Variants in ABCC6 observed in about 807,000 individuals in gnomAD.
The protein encoded by ABCC6 is ATP-binding cassette sub-family C member 6.
In ABCC6, 126 loss-of-function variants were observed where a neutral mutation model predicts 169.5. The observed-to-expected ratio is 0.74, with a 90% CI of 0.64 to 0.86. ABCC6 has a LOEUF of 0.86. Ranked by LOEUF, ABCC6 falls within the 40% of genes least tolerant of loss-of-function variation. ABCC6 has a pLI of 0.00. For synonymous variants in ABCC6, 752 were observed against 814.7 expected (o/e 0.92, Z 1.31); for missense variants, 1,733 against 1,927.2 (o/e 0.90, Z 1.89).
chr16:16,161,716 A>C, intron 24 of ABCC6, 152 bp from the exon 25 acceptor site: 1 of 1,051,388 alleles, frequency 9.5e-7, no homozygotes, highest in South Asian at 1.4e-5. Flanking sequence ...GGAGTAGAGG[A>C]AGATGACACC....
intron 11 of ABCC6, among the ~76,000 whole-genome samples, chr16:16,191,870 C>T (rs554562088): frequency 1.4e-4 from 21 of 152,202 alleles, no homozygotes; most frequent in Admixed American, 8.5e-4. Flanking sequence ...AACCTTCTGC[C>T]TGCCAAGCAC....
In ABCC6 at chr16:16,165,814, T is replaced by C; in HGVS notation, c.3115A>G (p.Thr1039Ala). The C allele has an allele frequency of 6.2e-7, 1 of 1,613,596 alleles. No individual in the cohort carries two copies. The highest frequency in any genetic ancestry group is 1.1e-5 in the South Asian group (1 of 91,078). The change falls in exon 23 of 31, where the codon ACA (threonine) becomes GCA (alanine). Residue 1039 changes from threonine (T) to alanine (A), a missense_variant. By Grantham distance (58) the Thr-to-Ala change is moderately conservative. This residue lies in a region of ABCC6 where 1,601 missense variants were observed against 1,635.5 expected (regional missense o/e 0.98). Transcript: ENST00000205557. ...CGGTTTAGCAGGTGACCAATGGGTG[T>C]CCGCTCAAAGAAGCTGATGGGAGAT... ...VRSPISFFER[T>A]PIGHLLNRFS...
rs754782996 is a variant in ABCC6, at chr16:16,155,029, C to G, written c.3885G>C (p.Val1295=). ...CTGCCCCGGTCCTGCCAACGATGCC[C>G]ACCTGCCCGGGGTTGGGAGGAAAGG... The part of the protein sequence containing the change: ...VSFKIHAGEK[V]GIVGRTGAGK... Residue 1295 remains valine (V), a splice_region_variant and synonymous_variant, in exon 28 of 31, where the codon GTG becomes GTC. Coordinates refer to ENST00000205557, the MANE Select transcript of ABCC6 (RefSeq NM_001171.6). The G allele has an allele frequency of 1.9e-6, 3 of 1,554,100 alleles. No individual in the cohort carries two copies. Among genetic ancestry groups the G allele is most frequent in the Non-Finnish European group, 2.6e-6 (3 of 1,149,750 alleles).
At position 16,169,755 on chromosome 16, in the gene ABCC6, G is replaced by C. The variant is rs765924261; in HGVS notation, c.2886C>G (p.Phe962Leu). 2 of 1,603,650 alleles carry C rather than the reference G, an allele frequency of 1.2e-6. No individual in the cohort carries two copies. The change falls in exon 22 of 31, where the codon TTC (phenylalanine) becomes TTG (leucine). Residue 962 changes from phenylalanine (F) to leucine (L), a missense_variant. By Grantham distance (22) the Phe-to-Leu change is conservative (BLOSUM62 0). This residue lies in a region of ABCC6 where 1,601 missense variants were observed against 1,635.5 expected (regional missense o/e 0.98). Transcript: ENST00000205557. ...FLFLCQQVAS[F>L]CRGYWLSLWA... is the part of the protein sequence containing the mutation. ...ACAGGCTCAGCCAGTAGCCCCGGCA[G>C]AAGGAGGCCACTTGCTGGCAGAGGA...
rs372211360 is a variant in ABCC6 at position 16,208,816 on chromosome 16, G to T, written c.706C>A (p.Leu236Ile). 1 of 1,613,450 alleles carries T rather than the reference G, an allele frequency of 6.2e-7. No individual in the cohort carries two copies. The highest frequency in any genetic ancestry group is 8.5e-7 in the Non-Finnish European group (1 of 1,179,746). Reference sequence around the variant, plus strand: ...GAGTTTTCTCTCCCAAGCGACCAGAGGTCTTTTGGTCTCAGTGGCCTCCTG... The same window carrying T: ...GAGTTTTCTCTCCCAAGCGACCAGATGTCTTTTGGTCTCAGTGGCCTCCTG... Reference protein sequence around the residue: ...GYRRPLRPKDLWSLGRENSSE... With the variant: ...GYRRPLRPKDIWSLGRENSSE... The change falls in exon 7 of 31, where the codon CTC becomes ATC. Residue 236 changes from leucine (L) to isoleucine (I), a missense_variant. This residue lies in a region of ABCC6 where 1,601 missense variants were observed against 1,635.5 expected (regional missense o/e 0.98). Transcript: ENST00000205557.
intron 15 of ABCC6, chr16:16,184,190 C>A: frequency 8.1e-6 from 1 of 123,938 alleles, no homozygotes; most frequent in South Asian, 9.5e-5. Context: ...TAGAGCAAGA[C>A]TCCGTTTCAA....
chr16:16,190,379 G>A lies in ABCC6; in HGVS notation c.1432-12C>T, dbSNP rs1338883610. ...CTCATTTGCTCCTCCTGGGATCGGA[G>A]GGAAAAAGAGAGATGAAGACAGGGA... On this transcript the variant is annotated splice_polypyrimidine_tract_variant and intron_variant, in intron 11 of 30. Coordinates refer to ENST00000205557, the MANE Select transcript of ABCC6 (RefSeq NM_001171.6). The A allele has an allele frequency of 1.9e-6, 3 of 1,613,814 alleles. No individual in the cohort carries two copies. Among genetic ancestry groups the A allele is most frequent in the Non-Finnish European group, 2.5e-6 (3 of 1,179,966 alleles).
chr16:16,157,599 G>A (rs926223242), intron 27 of ABCC6, 64 bp downstream of exon 27: 2 of 1,601,442 alleles, frequency 1.2e-6, no homozygotes, highest in Admixed American at 1.7e-5. Flanking sequence ...AGGGTTTAGG[G>A]CCTTGTCCCT....
At chr16:16,199,004 A>AAC in intron 9 of ABCC6, among the ~76,000 whole-genome samples, 1 of 127,846 alleles carries the variant, frequency 7.8e-6, no homozygotes, top group African/African-American at 2.7e-5. Context: ...GGGGGGGAAA[A>AAC]AAGAAAAAAT....
intron 11 of ABCC6, among the ~76,000 whole-genome samples, chr16:16,192,121 A>G (rs1388230421): frequency 6.6e-6 from 1 of 152,124 alleles, no homozygotes; most frequent in African/African-American, 2.4e-5. Context: ...AGCCGCCCTG[A>G]CTGCAGGGAG....
intron 20 of ABCC6, 68 bp from the exon 21 acceptor site, chr16:16,173,472 C>G: frequency 6.3e-7 from 1 of 1,596,070 alleles, no homozygotes; most frequent in East Asian, 2.2e-5. Flanking sequence ...GTGCCTAACC[C>G]TCAGGCCCAC....
chr16:16,202,416 C>T (rs1232677988), intron 8 of ABCC6, among the ~76,000 whole-genome samples: 1 of 152,068 alleles, frequency 6.6e-6, no homozygotes, highest in Non-Finnish European at 1.5e-5. Flanking sequence ...TTTGTTCCCA[C>T]TTGTTATAGG....
intron 18 of ABCC6, 142 bp downstream of exon 18, chr16:16,178,656 G>A (rs979339083): frequency 5.2e-6 from 5 of 965,958 alleles, no homozygotes; most frequent in East Asian, 2.4e-5. Flanking sequence ...ACATAGCATT[G>A]TCACAGCAAA....
At position 16,176,204 on chromosome 16, in the gene ABCC6, GCACCTACTATGAA is replaced by G. The variant is rs2047273563; in HGVS notation, c.2591-231_2591-219del. On this transcript the variant is annotated intron_variant, in intron 19 of 30. Transcript: ENST00000205557. The stretch of plus-strand genomic sequence containing the variant: ...CATTTCTTCAATCAGTGATAACTGA[GCACCTACTATGAA>G]CTTGAGGTTGGAAAAACAGCATTTA... 3.9e-5 allele frequency among the ~76,000 whole-genome samples: 6 copies of G among 152,254 alleles called. No homozygotes were observed. In the South Asian group the frequency reaches 1.2e-3, roughly 32 times the overall value.
intron 12 of ABCC6, 150 bp from the exon 13 acceptor site, chr16:16,189,124 C>G: frequency 1.1e-6 from 1 of 880,928 alleles, no homozygotes; most frequent in Non-Finnish European, 1.8e-6. Context: ...CCCAGTCCTG[C>G]TAACACATGT....
intron 10 of ABCC6, among the ~76,000 whole-genome samples, chr16:16,193,886 A>G (rs1254278900): frequency 6.6e-6 from 1 of 152,220 alleles, no homozygotes; most frequent in African/African-American, 2.4e-5. Flanking sequence ...ATGTCAGGGA[A>G]TCTGATAAGG....
chr16:16,192,244 A>G (rs887730460), intron 11 of ABCC6, among the ~76,000 whole-genome samples: 18 of 152,008 alleles, frequency 1.2e-4, no homozygotes, highest in Admixed American at 7.9e-4. Flanking sequence ...ATGTGTGGGG[A>G]AAGGCAGGGA....
In ABCC6 at chr16:16,150,558, G is replaced by A; in HGVS notation, c.4403+20C>T. On this transcript the variant is annotated intron_variant, in intron 30 of 30. Coordinates refer to ENST00000205557, the MANE Select transcript of ABCC6 (RefSeq NM_001171.6). ...CCACTGCAGGGCTGCTGTGAGGTCA[G>A]GCCGGGGCGGGAGCCTTACCGGGCA... 1 of 1,603,784 alleles carries A rather than the reference G, an allele frequency of 6.2e-7. No homozygotes were observed. The highest frequency in any genetic ancestry group is 8.5e-7 in the Non-Finnish European group (1 of 1,173,436).
intron 20 of ABCC6, among the ~76,000 whole-genome samples, chr16:16,175,144 G>C (rs1045291002): frequency 6.6e-6 from 1 of 152,016 alleles, no homozygotes; most frequent in African/African-American, 2.4e-5. Context: ...TCAGATTCTT[G>C]TGCGCTGTGA....
Sources: gnomAD v4.1 joint callset for allele counts (sites outside exome capture counted in the v4.1 genomes callset) on GRCh38, gnomAD v4.1.1 for gene constraint, gnomAD v4.1.1 regional missense constraint, MANE v1.5 for transcripts, NCBI Gene and HGNC (gene_info 2026-07-23, HGNC 2026-07-21) for gene names.